ALG5: variants seen among roughly 807,000 people sequenced by gnomAD.
The protein encoded by ALG5 is ALG5 dolichyl-phosphate beta-glucosyltransferase, also known as dolichyl-phosphate beta-glucosyltransferase.
ALG5 carries 26 observed loss-of-function variants against 51.8 expected under a neutral mutation model. The observed-to-expected ratio is 0.50, with a 90% CI of 0.37 to 0.70. The LOEUF (loss-of-function observed/expected upper bound fraction) is 0.70. ALG5 is among the 30% of genes least tolerant of loss of function. The probability of loss-of-function intolerance (pLI) is 0.00; values close to 1 mark genes in which losing one functional copy is unlikely to be tolerated. For missense variants in ALG5, 311 were observed against 399.3 expected, an observed-to-expected ratio of 0.78 and a Z score of 1.88; for synonymous variants, 141 against 136.1, an observed-to-expected ratio of 1.04 and a Z score of -0.25.
intron 8 of ALG5, among the ~76,000 whole-genome samples, chr13:36,962,024 G>A (rs371366935): frequency 6.6e-6 from 1 of 152,162 alleles, no homozygotes; most frequent in South Asian, 2.1e-4. Flanking sequence ...CTGACCTCAA[G>A]TGATCCACCC....
At chr13:36,980,871 G>C (rs773367934) in intron 6 of ALG5, among the ~76,000 whole-genome samples, 3 of 152,082 alleles carry the variant, frequency 2.0e-5, no homozygotes, top group Non-Finnish European at 4.4e-5. Context: ...CTACTCGGGA[G>C]GCTGAGGCAC....
chr13:36,979,143 A>G (rs899938114), intron 6 of ALG5, among the ~76,000 whole-genome samples: 2 of 151,894 alleles, frequency 1.3e-5, no homozygotes, highest in Non-Finnish European at 2.9e-5. Flanking sequence ...CGGCCTCCTG[A>G]GTAGCTGGGA....
At chr13:36,972,155 C>G in intron 6 of ALG5, 119 bp from the exon 7 acceptor site, 1 of 819,430 alleles carries the variant, frequency 1.2e-6, no homozygotes, top group South Asian at 2.0e-5. Context: ...CATTAAAAAT[C>G]TTTTAAAGGT....
chr13:36,997,172 T>C (rs536162610), intron 1 of ALG5, among the ~76,000 whole-genome samples: 20 of 152,188 alleles, frequency 1.3e-4, no homozygotes, highest in African/African-American at 4.8e-4. Flanking sequence ...CAAATGATCA[T>C]ATTAAAGACA....
In ALG5 at chr13:36,951,941, C is replaced by T. The variant is rs1350420614; in HGVS notation, c.859+573G>A. Among the ~76,000 whole-genome samples the T allele has an allele frequency of 3.9e-5, 6 of 152,156 alleles. No homozygotes were observed. The East Asian group carries it at 1.2e-3, about 29-fold the overall frequency. ...CTGGGATTACAGGTGCCTGACACCA[C>T]GCCCGGCCATCTTTTTGTATTTTTT... On this transcript the variant is annotated intron_variant, in intron 9 of 9. Transcript: ENST00000239891.
At chr13:36,966,779 C>T (rs2058895584) in intron 7 of ALG5, among the ~76,000 whole-genome samples, 1 of 152,196 alleles carries the variant, frequency 6.6e-6, no homozygotes. Context: ...TCTATTAGAA[C>T]ATTTAATATC....
intron 1 of ALG5, among the ~76,000 whole-genome samples, chr13:36,996,801 A>G (rs1322739468): frequency 6.6e-6 from 1 of 152,210 alleles, no homozygotes; most frequent in Non-Finnish European, 1.5e-5. Context: ...TACAATGAGA[A>G]TATTTCACTT....
At chr13:36,960,947 A>G (rs1273069135) in intron 8 of ALG5, among the ~76,000 whole-genome samples, 1 of 152,014 alleles carries the variant, frequency 6.6e-6, no homozygotes, top group Non-Finnish European at 1.5e-5. Context: ...ACCTGGCCCA[A>G]GTATTTTAAC....
At chr13:36,980,826 T>C (rs1352778961) in intron 6 of ALG5, among the ~76,000 whole-genome samples, 3 of 151,522 alleles carry the variant, frequency 2.0e-5, no homozygotes, top group Admixed American at 6.6e-5. Context: ...ACACAAAAAA[T>C]AGCCTGGCGT....
intron 6 of ALG5, among the ~76,000 whole-genome samples, chr13:36,977,022 AAAAAC>A (rs1297696020): frequency 6.6e-6 from 1 of 152,242 alleles, no homozygotes; most frequent in Non-Finnish European, 1.5e-5. Flanking sequence ...TAATTTAACT[AAAAAC>A]AAATCAAAAT....
intron 6 of ALG5, among the ~76,000 whole-genome samples, chr13:36,972,361 C>T (rs983644485): frequency 1.3e-5 from 2 of 152,054 alleles, no homozygotes; most frequent in African/African-American, 4.8e-5. Flanking sequence ...AAAGGGTTAT[C>T]TGTAGATGAC....
intron 3 of ALG5, 65 bp downstream of exon 3, chr13:36,994,924 T>C: frequency 7.0e-7 from 1 of 1,427,202 alleles, no homozygotes. Flanking sequence ...TGGCTTGGGG[T>C]CCACAATTGG....
chr13:36,983,810 A>G (rs977495018), intron 6 of ALG5, among the ~76,000 whole-genome samples: 29 of 152,230 alleles, frequency 1.9e-4, no homozygotes, highest in African/African-American at 6.7e-4. Context: ...ACAGCTAGAA[A>G]TACAAGGGAT....
intron 6 of ALG5, among the ~76,000 whole-genome samples, chr13:36,972,623 C>T (rs1427634054): frequency 6.6e-6 from 1 of 152,068 alleles, no homozygotes; most frequent in African/African-American, 2.4e-5. Context: ...TAAATGCTAA[C>T]AAGGAAAACA....
At chr13:36,989,873 A>C (rs1234202065) in intron 4 of ALG5, among the ~76,000 whole-genome samples, 2 of 152,152 alleles carry the variant, frequency 1.3e-5, no homozygotes, top group African/African-American at 4.8e-5. Flanking sequence ...AAACAACAAC[A>C]ACAACAAAAA....
chr13:36,950,881 C>G (rs923392588), intron 9 of ALG5, among the ~76,000 whole-genome samples: 9 of 152,050 alleles, frequency 5.9e-5, no homozygotes, highest in Non-Finnish European at 1.2e-4. Context: ...TGACTGCACC[C>G]AGCCACAGCA....
intron 7 of ALG5, chr13:36,967,581 T>C (rs996080706): frequency 7.3e-6 from 2 of 275,276 alleles, no homozygotes; most frequent in Non-Finnish European, 1.5e-5. Context: ...CTTATCTATA[T>C]GGTATGTAAA....
chr13:36,965,061 T>G (rs1392261476), intron 8 of ALG5, among the ~76,000 whole-genome samples: 2 of 152,006 alleles, frequency 1.3e-5, no homozygotes, highest in Non-Finnish European at 2.9e-5. Context: ...GAGACAGGGC[T>G]AGAGCTGGAA....
At chr13:36,954,309 A>G (rs552033078) in intron 8 of ALG5, among the ~76,000 whole-genome samples, 5 of 152,096 alleles carry the variant, frequency 3.3e-5, no homozygotes, top group African/African-American at 1.2e-4. Flanking sequence ...CCTCAATTTT[A>G]TTATCTAGCC....
Sources: allele counts gnomAD v4.1 joint callset (sites outside exome capture counted in the v4.1 genomes callset), GRCh38; gene constraint gnomAD v4.1.1; transcripts MANE v1.5; gene names NCBI Gene and HGNC (gene_info 2026-07-23, HGNC 2026-07-21).